The following SUMF1 variants were observed in gnomAD, a reference collection of about 807,000 sequenced individuals.
The protein encoded by SUMF1 is formylglycine-generating enzyme.
Under a neutral mutation model 47.6 loss-of-function variants are expected in SUMF1, and 48 were observed. That is an observed-to-expected ratio of 1.01 (90% CI 0.80 to 1.28). The LOEUF (loss-of-function observed/expected upper bound fraction) is 1.28. Ranked by LOEUF, SUMF1 falls within the 50% of genes most tolerant of loss-of-function variation. The pLI, the probability that SUMF1 is intolerant of heterozygous loss-of-function variation, is 0.00. For missense variants in SUMF1, 571 were observed against 485.4 expected, an observed-to-expected ratio of 1.18 and a Z score of -1.66; for synonymous variants, 230 against 192.1, an observed-to-expected ratio of 1.20 and a Z score of -1.63.
intron 8 of SUMF1, among the ~76,000 whole-genome samples, chr3:4,153,593 A>G (rs1395134009): frequency 1.3e-5 from 2 of 150,928 alleles, no homozygotes; most frequent in Non-Finnish European, 2.9e-5. Flanking sequence ...ATAAATAAAA[A>G]ATATATTCAA....
intron 2 of SUMF1, among the ~76,000 whole-genome samples, chr3:4,451,027 T>C (rs1702950568): frequency 1.3e-5 from 2 of 151,986 alleles, no homozygotes; most frequent in African/African-American, 2.4e-5. Context: ...CTTGGCAGTA[T>C]GGTGAAGCTT....
At chr3:4,267,946 T>C (rs1697229672) in intron 8 of SUMF1, among the ~76,000 whole-genome samples, 1 of 151,478 alleles carries the variant, frequency 6.6e-6, no homozygotes, top group South Asian at 2.1e-4. Flanking sequence ...CGTATGTTTA[T>C]TGTGGCACTA....
intron 8 of SUMF1, among the ~76,000 whole-genome samples, chr3:4,264,402 T>G (rs761767990): frequency 2.0e-5 from 3 of 152,172 alleles, no homozygotes; most frequent in Non-Finnish European, 4.4e-5. Flanking sequence ...TCCCAGTTCC[T>G]TTCTCACCGT....
chr3:4,417,751 G>A (rs1039727662), intron 5 of SUMF1, among the ~76,000 whole-genome samples: 2 of 152,260 alleles, frequency 1.3e-5, no homozygotes, highest in Non-Finnish European at 2.9e-5. Flanking sequence ...GCAGTGATAT[G>A]TAACTCAAGG....
intron 8 of SUMF1, among the ~76,000 whole-genome samples, chr3:4,275,747 A>C (rs569530764): frequency 1.3e-5 from 2 of 152,178 alleles, no homozygotes; most frequent in Non-Finnish European, 2.9e-5. Context: ...GCAAAAAGTT[A>C]GTTGAGTAGG....
intron 8 of SUMF1, among the ~76,000 whole-genome samples, chr3:4,295,020 C>A (rs1045958617): frequency 4.6e-5 from 7 of 152,132 alleles, no homozygotes; most frequent in South Asian, 2.1e-4. Flanking sequence ...CTGTGGAATT[C>A]TTTTTACGAC....
At position 4,392,613 on chromosome 3, in the gene SUMF1, G is replaced by GTATA. The variant is rs1209743421; in HGVS notation, c.955-16225_955-16224insTATA. Among the ~76,000 whole-genome samples the GTATA allele has an allele frequency of 9.6e-4, 75 of 77,822 alleles. 1 individual carries two copies. Among genetic ancestry groups the GTATA allele is most frequent in the African/African-American group, 2.3e-3 (73 of 31,348 alleles). The allele number at this position is 77,822 out of a possible 152,430, so 51.1% of individuals were successfully genotyped here. The stretch of plus-strand genomic sequence containing the variant: ...TATATATGTGTGTGTGTGTGTGTGT[G>GTATA]TGTATATATATATATATATATATAT... On this transcript the variant is annotated intron_variant, in intron 7 of 8. Coordinates refer to ENST00000272902, the MANE Select transcript of SUMF1 (RefSeq NM_182760.4).
intron 8 of SUMF1, among the ~76,000 whole-genome samples, chr3:4,105,723 C>A (rs528285425): frequency 1.3e-5 from 2 of 152,094 alleles, no homozygotes; most frequent in South Asian, 2.1e-4. Flanking sequence ...TAAGACAAGA[C>A]GATAAAATTA....
chr3:4,445,386 G>A (rs781456026), intron 3 of SUMF1, among the ~76,000 whole-genome samples: 1 of 152,170 alleles, frequency 6.6e-6, no homozygotes, highest in Non-Finnish European at 1.5e-5. Context: ...CACCCAGCCT[G>A]GAGTACAATG....
intron 8 of SUMF1, among the ~76,000 whole-genome samples, chr3:4,193,662 A>T (rs1695369036): frequency 1.3e-5 from 2 of 152,152 alleles, no homozygotes; most frequent in Non-Finnish European, 2.9e-5. Flanking sequence ...TAATGCAGTT[A>T]CTATTCATAC....
At chr3:4,381,834 CA>C (rs1209794176) in intron 7 of SUMF1, among the ~76,000 whole-genome samples, 1 of 152,164 alleles carries the variant, frequency 6.6e-6, no homozygotes, top group Non-Finnish European at 1.5e-5. Context: ...TGCTTGAGCC[CA>C]GGAGTTCAAG....
intron 8 of SUMF1, among the ~76,000 whole-genome samples, chr3:4,172,248 G>A (rs1254526350): frequency 6.6e-6 from 1 of 152,142 alleles, no homozygotes; most frequent in South Asian, 2.1e-4. Flanking sequence ...ATGACTCCCA[G>A]ATTTCCGTTT....
intron 8 of SUMF1, among the ~76,000 whole-genome samples, chr3:4,090,672 T>G (rs992674439): frequency 6.6e-6 from 1 of 152,124 alleles, no homozygotes; most frequent in Non-Finnish European, 1.5e-5. Context: ...TTGAACTGCA[T>G]GGTGGTTGGA....
chr3:4,152,460 T>C (rs944525700), intron 8 of SUMF1, among the ~76,000 whole-genome samples: 1 of 150,840 alleles, frequency 6.6e-6, no homozygotes, highest in Non-Finnish European at 1.5e-5. Flanking sequence ...GATTTGCTTT[T>C]TTTTTTTCTT....
intron 8 of SUMF1, among the ~76,000 whole-genome samples, chr3:4,324,713 T>C (rs1391350251): frequency 6.6e-6 from 1 of 152,078 alleles, no homozygotes; most frequent in Non-Finnish European, 1.5e-5. Flanking sequence ...TGACATGGGG[T>C]TGTGAAATTA....
At chr3:4,064,741 C>T (rs1179123646) in intron 9 of SUMF1, among the ~76,000 whole-genome samples, 1 of 152,112 alleles carries the variant, frequency 6.6e-6, no homozygotes, top group East Asian at 1.9e-4. Context: ...GAATTGAACC[C>T]AGGTCTACAG....
At chr3:4,128,326 G>C (rs1693705691) in intron 8 of SUMF1, among the ~76,000 whole-genome samples, 1 of 152,112 alleles carries the variant, frequency 6.6e-6, no homozygotes, top group African/African-American at 2.4e-5. Flanking sequence ...ACTTGGAATG[G>C]GGATGTGTAG....
At position 4,386,150 on chromosome 3, in the gene SUMF1, T is replaced by C. The variant is rs149029827; in HGVS notation, c.955-9761A>G. On this transcript the variant is annotated intron_variant, in intron 7 of 8. Transcript: ENST00000272902. ...CCATATATATTTCAGAATAATCATG[T>C]CAATATCTACAAAAAATCTTGCTGG... Among the ~76,000 whole-genome samples, 1,062 of 152,350 alleles carry C rather than the reference T, an allele frequency of 7.0e-3. 8 individuals are homozygous for C. Among genetic ancestry groups the C allele is most frequent in the Non-Finnish European group, 8.8e-3 (597 of 68,016 alleles).
intron 8 of SUMF1, among the ~76,000 whole-genome samples, chr3:4,240,450 C>CTTTTAATT (rs1363019084): frequency 6.6e-6 from 1 of 151,938 alleles, no homozygotes; most frequent in Non-Finnish European, 1.5e-5. Context: ...TAATAAAGAG[C>CTTTTAATT]TTTTAATTTT....
Sources: allele counts gnomAD v4.1 joint callset (sites outside exome capture counted in the v4.1 genomes callset), GRCh38; gene constraint gnomAD v4.1.1; transcripts MANE v1.5; gene names NCBI Gene and HGNC (gene_info 2026-07-23, HGNC 2026-07-21).